PPP2R5C: variants seen among roughly 807,000 people sequenced by gnomAD.
The protein encoded by PPP2R5C is protein phosphatase 2 regulatory subunit B'gamma.
A neutral mutation model predicts 68.9 loss-of-function variants in PPP2R5C; 7 were observed. The ratio of observed to expected loss-of-function variants is 0.10; its 90% CI spans 0.06 to 0.19. The LOEUF (loss-of-function observed/expected upper bound fraction) is 0.19, where lower values mean the gene tolerates loss of function less well. Among genes scored for constraint, PPP2R5C ranks in the 10% least tolerant of loss-of-function variants. PPP2R5C has a pLI of 1.00. For synonymous variants in PPP2R5C, 210 were observed against 222.2 expected, an observed-to-expected ratio of 0.95 and a Z score of 0.49; for missense variants, 348 against 641.3, an observed-to-expected ratio of 0.54 and a Z score of 4.94.
At chr14:101,777,406 G>C (rs982165884) in intron 2 of PPP2R5C, among the ~76,000 whole-genome samples, 1 of 151,810 alleles carries the variant, frequency 6.6e-6, no homozygotes, top group Non-Finnish European at 1.5e-5. Context: ...CTGGAGTATA[G>C]TGGCGCCATC....
chr14:101,761,925 G>A lies in PPP2R5C; in HGVS notation c.27+5G>A, dbSNP rs1175934056. 7 of 1,190,896 alleles carry A rather than the reference G, an allele frequency of 5.9e-6. No homozygotes were observed. The highest frequency in any genetic ancestry group is 6.3e-6 in the Non-Finnish European group (6 of 952,442). The allele number at this position is 1,190,896 out of a possible 1,614,324, so 73.8% of individuals were successfully genotyped here. A position where few individuals can be genotyped will look rare whatever the true frequency, so the allele number is the denominator to read the frequency against. On this transcript the variant is annotated splice_donor_5th_base_variant and intron_variant, in intron 1 of 14. Transcript: ENST00000328724. Reference sequence around the variant, plus strand: ...AATAAAAACAAGAAGGAGAAAGTGAGTCCGGGCCCGGCCGCGGGACGGAGG... The same window carrying A: ...AATAAAAACAAGAAGGAGAAAGTGAATCCGGGCCCGGCCGCGGGACGGAGG...
intron 2 of PPP2R5C, among the ~76,000 whole-genome samples, chr14:101,861,108 C>T (rs1446011675): frequency 1.3e-5 from 2 of 152,142 alleles, no homozygotes; most frequent in African/African-American, 4.8e-5. Flanking sequence ...AGTAGCAAAA[C>T]TAATTGTAGC....
intron 2 of PPP2R5C, among the ~76,000 whole-genome samples, chr14:101,774,664 T>G (rs934606398): frequency 7.2e-5 from 11 of 152,200 alleles, no homozygotes; most frequent in Admixed American, 7.2e-4. Context: ...AATCTTTTTA[T>G]TACTGGAGGT....
At chr14:101,761,993 G>A (rs2036567935) in intron 1 of PPP2R5C, 73 bp downstream of exon 1, 2 of 1,162,766 alleles carry the variant, frequency 1.7e-6, no homozygotes, top group African/African-American at 1.6e-5. Flanking sequence ...CGGCACCGGG[G>A]TCCTGCGCCC....
At chr14:101,884,675 G>C (rs1595467092) in intron 5 of PPP2R5C, among the ~76,000 whole-genome samples, 2 of 152,324 alleles carry the variant, frequency 1.3e-5, no homozygotes, top group South Asian at 2.1e-4. Flanking sequence ...CTCAGCTCCA[G>C]GCTCCTTCCA....
intron 3 of PPP2R5C, among the ~76,000 whole-genome samples, chr14:101,798,359 G>T (rs931644005): frequency 6.6e-5 from 10 of 152,154 alleles, no homozygotes; most frequent in Non-Finnish European, 1.3e-4. Context: ...ATGAAAATTT[G>T]AAAGTTTTAA....
chr14:101,812,340 G>A (rs2039413373), intron 1 of PPP2R5C, among the ~76,000 whole-genome samples: 1 of 152,294 alleles, frequency 6.6e-6, no homozygotes, highest in Non-Finnish European at 1.5e-5. Context: ...GAGAGCAGGG[G>A]CTGGTGTCAG....
At chr14:101,786,840 T>C (rs868396282) in intron 3 of PPP2R5C, among the ~76,000 whole-genome samples, 1 of 152,228 alleles carries the variant, frequency 6.6e-6, no homozygotes, top group Non-Finnish European at 1.5e-5. Context: ...TAAAGTCAAA[T>C]GTGAACCTCT....
intron 2 of PPP2R5C, among the ~76,000 whole-genome samples, chr14:101,767,755 A>G (rs2036932724): frequency 6.6e-6 from 1 of 152,166 alleles, no homozygotes; most frequent in Non-Finnish European, 1.5e-5. Context: ...CTTAGAGCCC[A>G]GGGGCATCAG....
At chr14:101,805,469 G>A (rs1393829181), upstream of PPP2R5C, among the ~76,000 whole-genome samples, 6 of 152,070 alleles carry the variant, frequency 3.9e-5, no homozygotes, top group Admixed American at 3.3e-4. Flanking sequence ...ACTGTGTATC[G>A]CTATTATGCA....
chr14:101,854,107 G>T (rs529315533), intron 1 of PPP2R5C, among the ~76,000 whole-genome samples: 3 of 152,160 alleles, frequency 2.0e-5, no homozygotes, highest in Non-Finnish European at 4.4e-5. Context: ...AGTCCTGAAC[G>T]CTGTAATGAC....
intron 3 of PPP2R5C, 78 bp from the exon 6 acceptor site, chr14:101,883,179 G>T: frequency 9.8e-7 from 1 of 1,017,484 alleles, no homozygotes; most frequent in South Asian, 1.7e-5. Flanking sequence ...TACCAATAAA[G>T]ATTCAATTTC....
chr14:101,830,010 T>C (rs2040641496), intron 1 of PPP2R5C, among the ~76,000 whole-genome samples: 1 of 152,228 alleles, frequency 6.6e-6, no homozygotes, highest in Admixed American at 6.5e-5. Flanking sequence ...GTTGCTTAGC[T>C]TTCCTGCCTA....
Position 101,856,003 on chromosome 14 carries a change from G to A in PPP2R5C, c.95-683G>A, listed in dbSNP as rs112988857. ...TTTCTAAATTGCCATCATCATTAAC[G>A]TCAGTCGTCATGTGTGATAAGCCTT... On this transcript the variant is annotated intron_variant, in intron 1 of 13. Transcript: ENST00000334743. Among the ~76,000 whole-genome samples, 188 of 152,320 alleles carry A rather than the reference G, an allele frequency of 1.2e-3. 1 individual carries two copies. The highest frequency in any genetic ancestry group is 6.6e-4 in the Non-Finnish European group (45 of 68,036).
At chr14:101,822,083 C>G (rs1261380706) in intron 1 of PPP2R5C, among the ~76,000 whole-genome samples, 1 of 129,840 alleles carries the variant, frequency 7.7e-6, no homozygotes. Context: ...CCCCCTGCCC[C>G]CCCCCCACAC....
chr14:101,761,781 G>GGGC (rs547036580), upstream of PPP2R5C: 64,411 of 969,992 alleles, frequency 0.066, 2,005 homozygotes, highest in East Asian at 0.14. Flanking sequence ...CTCAGTCCCC[G>GGGC]GGCGGCGGCG....
intron 2 of PPP2R5C, among the ~76,000 whole-genome samples, chr14:101,878,370 T>C (rs907373899): frequency 6.6e-6 from 1 of 152,188 alleles, no homozygotes; most frequent in African/African-American, 2.4e-5. Context: ...TTGCAGGCCC[T>C]CAGCTCAGCA....
chr14:101,866,181 C>T (rs1033555125), intron 2 of PPP2R5C, among the ~76,000 whole-genome samples: 2 of 152,242 alleles, frequency 1.3e-5, no homozygotes, highest in Non-Finnish European at 2.9e-5. Context: ...TGGCGTGAGC[C>T]AGCGCCCAGC....
chr14:101,886,364 T>A (rs1471590326), intron 5 of PPP2R5C, among the ~76,000 whole-genome samples: 4 of 152,210 alleles, frequency 2.6e-5, no homozygotes, highest in African/African-American at 9.7e-5. Flanking sequence ...TATTCCAAAG[T>A]TATTACGCAT....
Sources: allele counts gnomAD v4.1 joint callset (sites outside exome capture counted in the v4.1 genomes callset), GRCh38; gene constraint gnomAD v4.1.1; transcripts MANE v1.5; gene names NCBI Gene and HGNC (gene_info 2026-07-23, HGNC 2026-07-21).